KCNIP4: variants seen among roughly 807,000 people sequenced by gnomAD.
The protein encoded by KCNIP4 is potassium voltage-gated channel interacting protein 4.
A neutral mutation model predicts 34.0 loss-of-function variants in KCNIP4; 12 were observed. That is an observed-to-expected ratio of 0.35 (90% CI 0.23 to 0.57). The LOEUF (loss-of-function observed/expected upper bound fraction) is 0.57, where lower values mean the gene tolerates loss of function less well. KCNIP4 is among the 20% of genes least tolerant of loss of function. The pLI is 0.83. For missense variants in KCNIP4, 238 were observed against 311.7 expected, an observed-to-expected ratio of 0.76 and a Z score of 1.78; for synonymous variants, 124 against 102.2, an observed-to-expected ratio of 1.21 and a Z score of -1.29.
At chr4:21,054,300 C>T (rs1380082764) in intron 1 of KCNIP4, among the ~76,000 whole-genome samples, 2 of 151,986 alleles carry the variant, frequency 1.3e-5, no homozygotes, top group Non-Finnish European at 2.9e-5. Flanking sequence ...GGGCGGATCA[C>T]TTGAGGTCAG....
intron 1 of KCNIP4, among the ~76,000 whole-genome samples, chr4:21,726,087 CA>C (rs1477284519): frequency 6.6e-6 from 1 of 152,248 alleles, no homozygotes; most frequent in East Asian, 1.9e-4. Flanking sequence ...AGAATCTATA[CA>C]GTAGGAAGTC....
chr4:21,749,614 C>T (rs181143484), intron 1 of KCNIP4, among the ~76,000 whole-genome samples: 6 of 152,212 alleles, frequency 3.9e-5, no homozygotes, highest in Admixed American at 3.9e-4. Flanking sequence ...TGAGTCATTG[C>T]AATATTCAGC....
At chr4:21,765,775 T>C (rs57893621) in intron 1 of KCNIP4, among the ~76,000 whole-genome samples, 22,888 of 136,614 alleles carry the variant, frequency 0.17, 5,431 homozygotes, top group African/African-American at 0.53. Flanking sequence ...GAGGGTTCCT[T>C]CCACAGAATC....
At chr4:21,233,806 G>A (rs943164711) in intron 1 of KCNIP4, among the ~76,000 whole-genome samples, 14 of 143,318 alleles carry the variant, frequency 9.8e-5, no homozygotes, top group Non-Finnish European at 1.7e-4. Context: ...ATATAATATA[G>A]TATATAATAT....
intron 1 of KCNIP4, among the ~76,000 whole-genome samples, chr4:21,933,503 C>T (rs546322038): frequency 6.6e-6 from 1 of 152,014 alleles, no homozygotes; most frequent in East Asian, 1.9e-4. Flanking sequence ...CATATTAAGT[C>T]TTTTTCCCAT....
rs138525232 is a variant in KCNIP4 at position 20,871,268 on chromosome 4, G to A, written c.163+11340C>T. Among the ~76,000 whole-genome samples, 4 of 152,182 alleles carry A rather than the reference G, an allele frequency of 2.6e-5. No homozygotes were observed. The East Asian group carries it at 7.8e-4, about 29-fold the overall frequency. Reference sequence around the variant, plus strand: ...GAAGAGTCACCAATTGGACATCGGAGTGGCAATGTCAAGTGGCTGGATGGA... The same window carrying A: ...GAAGAGTCACCAATTGGACATCGGAATGGCAATGTCAAGTGGCTGGATGGA... On this transcript the variant is annotated intron_variant, in intron 2 of 8. Transcript: ENST00000382152.
intron 1 of KCNIP4, among the ~76,000 whole-genome samples, chr4:21,840,964 G>A (rs546580946): frequency 6.6e-6 from 1 of 152,088 alleles, no homozygotes; most frequent in South Asian, 2.1e-4. Flanking sequence ...TTATATCATG[G>A]GGATATTTTC....
intron 5 of KCNIP4, among the ~76,000 whole-genome samples, chr4:20,748,185 T>G (rs1300096003): frequency 1.3e-5 from 2 of 152,140 alleles, no homozygotes; most frequent in Non-Finnish European, 2.9e-5. Flanking sequence ...CTAAGACATG[T>G]CAACTTCTGG....
intron 1 of KCNIP4, among the ~76,000 whole-genome samples, chr4:21,144,961 T>C (rs1752243428): frequency 7.0e-6 from 1 of 142,238 alleles, no homozygotes; most frequent in Non-Finnish European, 1.5e-5. Context: ...TTTACAATTT[T>C]AGAGGGCCAT....
chr4:21,106,298 C>G (rs1748526519), intron 1 of KCNIP4, among the ~76,000 whole-genome samples: 1 of 151,698 alleles, frequency 6.6e-6, no homozygotes, highest in Admixed American at 6.5e-5. Context: ...TTCAGAGATT[C>G]AGCCTCTTCC....
At chr4:20,890,276 G>T (rs542784368) in intron 1 of KCNIP4, among the ~76,000 whole-genome samples, 1 of 152,244 alleles carries the variant, frequency 6.6e-6, no homozygotes, top group Non-Finnish European at 1.5e-5. Flanking sequence ...TAAATAGCAA[G>T]TTATAAAGTA....
At chr4:21,432,091 C>CATATAT (rs71655634) in intron 1 of KCNIP4, among the ~76,000 whole-genome samples, 707 of 36,284 alleles carry the variant, frequency 0.019, 53 homozygotes, top group Middle Eastern at 0.026. Context: ...AAAATGGAAG[C>CATATAT]ATATATATAT....
At chr4:21,134,532 G>A (rs958378161) in intron 1 of KCNIP4, among the ~76,000 whole-genome samples, 1 of 152,146 alleles carries the variant, frequency 6.6e-6, no homozygotes, top group African/African-American at 2.4e-5. Flanking sequence ...CCTAACCTCT[G>A]TAAGTGTCAA....
chr4:21,606,098 TA>T (rs760342890), intron 1 of KCNIP4, among the ~76,000 whole-genome samples: 10 of 152,160 alleles, frequency 6.6e-5, no homozygotes, highest in Non-Finnish European at 1.0e-4. Flanking sequence ...CATGCCTGGA[TA>T]GCCAGAGAAA....
At chr4:20,865,917 C>T (rs2056743710) in intron 2 of KCNIP4, among the ~76,000 whole-genome samples, 1 of 151,996 alleles carries the variant, frequency 6.6e-6, no homozygotes, top group Non-Finnish European at 1.5e-5. Context: ...AAGTGTTTCA[C>T]CATCTATATG....
At chr4:21,145,773 G>A (rs531713783) in intron 1 of KCNIP4, among the ~76,000 whole-genome samples, 1 of 152,340 alleles carries the variant, frequency 6.6e-6, no homozygotes, top group East Asian at 1.9e-4. Context: ...CTGGTACTGA[G>A]AGATGAGCAA....
chr4:20,872,273 A>G (rs1723555903), intron 2 of KCNIP4, among the ~76,000 whole-genome samples: 1 of 152,114 alleles, frequency 6.6e-6, no homozygotes, highest in South Asian at 2.1e-4. Flanking sequence ...TGAAAGATAA[A>G]TAAGGTTTTA....
intron 1 of KCNIP4, among the ~76,000 whole-genome samples, chr4:21,247,578 C>CATATAT (rs368574338): frequency 0.088 from 11,820 of 133,770 alleles, 1,775 homozygotes; most frequent in African/African-American, 0.31. Context: ...GATATAAATA[C>CATATAT]ATATATATAT....
chr4:21,072,431 T>A (rs920584733), intron 1 of KCNIP4, among the ~76,000 whole-genome samples: 1 of 152,206 alleles, frequency 6.6e-6, no homozygotes, highest in Admixed American at 6.5e-5. Flanking sequence ...GTTGGCTGCA[T>A]AAATGTCTTC....
Sources: allele counts gnomAD v4.1 joint callset (sites outside exome capture counted in the v4.1 genomes callset), GRCh38; gene constraint gnomAD v4.1.1; transcripts MANE v1.5; gene names NCBI Gene and HGNC (gene_info 2026-07-23, HGNC 2026-07-21).